NTNG1: variants seen among roughly 807,000 people sequenced by gnomAD.
NTNG1 encodes netrin-G1.
In NTNG1, 16 loss-of-function variants were observed where a neutral mutation model predicts 54.0. That is an observed-to-expected ratio of 0.30 (90% confidence interval 0.20 to 0.45). The LOEUF is 0.45. Ranked by LOEUF, NTNG1 falls within the 20% of genes least tolerant of loss-of-function variation. The pLI, the probability that NTNG1 is intolerant of heterozygous loss-of-function variation, is 1.00. For missense variants in NTNG1, 530 were observed against 678.7 expected, an observed-to-expected ratio of 0.78 and a Z score of 2.43; for synonymous variants, 255 against 263.1, an observed-to-expected ratio of 0.97 and a Z score of 0.30.
intron 2 of NTNG1, among the ~76,000 whole-genome samples, chr1:107,260,137 T>A (rs1663213813): frequency 6.6e-6 from 1 of 152,208 alleles, no homozygotes; most frequent in Non-Finnish European, 1.5e-5. Context: ...GATTGAAAAG[T>A]GAAAATACTC....
chr1:107,206,575 G>A (rs751846886), intron 2 of NTNG1, among the ~76,000 whole-genome samples: 1 of 152,030 alleles, frequency 6.6e-6, no homozygotes, highest in African/African-American at 2.4e-5. Context: ...CCAGTGTTAC[G>A]GAGATGTCTG....
At chr1:107,171,967 AAAT>A (rs1656280853) in intron 2 of NTNG1, among the ~76,000 whole-genome samples, 1 of 151,620 alleles carries the variant, frequency 6.6e-6, no homozygotes, top group South Asian at 2.1e-4. Flanking sequence ...GGCAAGTGAG[AAAT>A]CTAGGAGTTT....
At chr1:107,279,683 G>C (rs932242678) in intron 2 of NTNG1, among the ~76,000 whole-genome samples, 1 of 152,150 alleles carries the variant, frequency 6.6e-6, no homozygotes, top group African/African-American at 2.4e-5. Flanking sequence ...AGAGTGAAAA[G>C]TCTTTTACCT....
intron 5 of NTNG1, among the ~76,000 whole-genome samples, chr1:107,414,426 G>T (rs1674060963): frequency 6.6e-6 from 1 of 152,038 alleles, no homozygotes; most frequent in Admixed American, 6.6e-5. Context: ...AAGAAATTTA[G>T]GAATTACCAT....
chr1:107,190,190 G>A (rs959725397), intron 2 of NTNG1, among the ~76,000 whole-genome samples: 2 of 152,004 alleles, frequency 1.3e-5, no homozygotes, highest in Admixed American at 1.3e-4. Context: ...TGTTTAATGG[G>A]CACAGAGTTT....
chr1:107,180,790 G>T (rs1657003952), intron 2 of NTNG1, among the ~76,000 whole-genome samples: 1 of 152,072 alleles, frequency 6.6e-6, no homozygotes, highest in Non-Finnish European at 1.5e-5. Context: ...CATAATAATT[G>T]CCTAGATTAA....
At chr1:107,254,742 AC>A (rs1430863292) in intron 2 of NTNG1, among the ~76,000 whole-genome samples, 1 of 152,138 alleles carries the variant, frequency 6.6e-6, no homozygotes, top group African/African-American at 2.4e-5. Context: ...AATAGAACAG[AC>A]TTTTGTTTAG....
rs71098633 is a variant in NTNG1 at position 107,482,055 on chromosome 1, C to CAAAAAAAAAAAAAAAAAAA, written c.*1224_*1242dup. The CAAAAAAAAAAAAAAAAAAA allele has an allele frequency of 9.6e-5, 11 of 114,488 alleles. 1 individual carries two copies. The highest frequency in any genetic ancestry group is 2.5e-4 in the East Asian group (1 of 3,962). 7.1% of individuals were successfully genotyped at this position (114,488 alleles called of 1,614,324 possible). A position where few individuals can be genotyped will look rare whatever the true frequency, so the allele number is the denominator to read the frequency against. ...TTCCACTTGGGAAAAATTACAACAG[C>CAAAAAAAAAAAAAAAAAAA]AAAAAAAAAAAAAAAAAAAAAAAAA... On this transcript the variant is annotated 3_prime_UTR_variant, in exon 8 of 8. Transcript: ENST00000370068.
chr1:107,306,584 C>G (rs1666709569), intron 2 of NTNG1, among the ~76,000 whole-genome samples: 1 of 152,118 alleles, frequency 6.6e-6, no homozygotes, highest in African/African-American at 2.4e-5. Context: ...AACCCTGCCT[C>G]TACTAAAAAT....
At chr1:107,440,015 G>T (rs1675868001) in intron 7 of NTNG1, among the ~76,000 whole-genome samples, 1 of 151,692 alleles carries the variant, frequency 6.6e-6, no homozygotes, top group Non-Finnish European at 1.5e-5. Flanking sequence ...CTTGGATTTG[G>T]CCACAGTATT....
At chr1:107,359,010 T>C (rs1173356371) in intron 3 of NTNG1, among the ~76,000 whole-genome samples, 1 of 152,170 alleles carries the variant, frequency 6.6e-6, no homozygotes, top group East Asian at 1.9e-4. Context: ...AATGCGGACG[T>C]CTCTATCACC....
chr1:107,320,445 T>A (rs1482772782), intron 2 of NTNG1, among the ~76,000 whole-genome samples: 1 of 152,136 alleles, frequency 6.6e-6, no homozygotes, highest in East Asian at 1.9e-4. Flanking sequence ...TCATTGTTGA[T>A]GTTATTAAAG....
At chr1:107,176,835 A>G (rs1222851748) in intron 2 of NTNG1, among the ~76,000 whole-genome samples, 1 of 152,174 alleles carries the variant, frequency 6.6e-6, no homozygotes, top group Non-Finnish European at 1.5e-5. Context: ...AAACAAATAT[A>G]CGTAGTCTAA....
intron 2 of NTNG1, among the ~76,000 whole-genome samples, 174 bp downstream of exon 2, chr1:107,149,013 A>C (rs1654353044): frequency 6.6e-6 from 1 of 152,046 alleles, no homozygotes; most frequent in African/African-American, 2.4e-5. Context: ...CTGGAGTTAC[A>C]ATTTGTGCAG....
At position 107,376,364 on chromosome 1, in the gene NTNG1, C is replaced by T. The variant is rs533221478; in HGVS notation, c.888-18790C>T. ...CGGAGCTTACAGTGAGCCGAGGTCGCGCCACTGCACTCCAGCCTGGGTGAC... is the reference window on the plus strand; with the variant it reads ...CGGAGCTTACAGTGAGCCGAGGTCGTGCCACTGCACTCCAGCCTGGGTGAC... On this transcript the variant is annotated intron_variant, in intron 3 of 7. Coordinates refer to ENST00000370068, the MANE Select transcript of NTNG1 (RefSeq NM_001113226.3). Among the ~76,000 whole-genome samples the T allele has an allele frequency of 3.3e-3, 499 of 151,608 alleles. 6 individuals are homozygous for T. Among genetic ancestry groups the T allele is most frequent in the Non-Finnish European group, 2.3e-3 (159 of 67,930 alleles).
intron 3 of NTNG1, among the ~76,000 whole-genome samples, chr1:107,367,070 G>A (rs1015353413): frequency 6.9e-6 from 1 of 144,646 alleles, no homozygotes; most frequent in Non-Finnish European, 1.5e-5. Context: ...CTGTTCGTGT[G>A]TGTGTGTGTG....
At chr1:107,236,222 A>G (rs1159847093) in intron 2 of NTNG1, among the ~76,000 whole-genome samples, 1 of 152,210 alleles carries the variant, frequency 6.6e-6, no homozygotes, top group Non-Finnish European at 1.5e-5. Flanking sequence ...CTGGTCAGAA[A>G]TTATTCAAGC....
At chr1:107,373,093 A>G (rs182669221) in intron 3 of NTNG1, among the ~76,000 whole-genome samples, 3 of 152,214 alleles carry the variant, frequency 2.0e-5, no homozygotes, top group African/African-American at 7.2e-5. Context: ...AATTATTGAT[A>G]TCTTTAGACT....
At chr1:107,216,946 G>T (rs1660005110) in intron 2 of NTNG1, among the ~76,000 whole-genome samples, 1 of 151,922 alleles carries the variant, frequency 6.6e-6, no homozygotes, top group South Asian at 2.1e-4. Flanking sequence ...CAAAGTGCTG[G>T]GATTACAGGC....
Sources: gnomAD v4.1 joint callset for allele counts (sites outside exome capture counted in the v4.1 genomes callset) on GRCh38, gnomAD v4.1.1 for gene constraint, MANE v1.5 for transcripts, NCBI Gene and HGNC (gene_info 2026-07-23, HGNC 2026-07-21) for gene names.